Variants in TTC28 observed in about 807,000 individuals in gnomAD.
The protein encoded by TTC28 is tetratricopeptide repeat domain 28, also known as tetratricopeptide repeat protein 28.
Under a neutral mutation model 198.0 loss-of-function variants are expected in TTC28, and 61 were observed. The observed-to-expected ratio is 0.31, with a 90% confidence interval of 0.25 to 0.38. The LOEUF is 0.38. Among genes scored for constraint, TTC28 ranks in the 10% least tolerant of loss-of-function variants. The pLI is 1.00. For synonymous variants in TTC28, 1,171 were observed against 1,297.8 expected (o/e 0.90, Z 2.10); for missense variants, 2,678 against 3,164.0 (o/e 0.85, Z 3.69).
chr22:28,464,162 T>C (rs1464066062), intron 2 of TTC28, among the ~76,000 whole-genome samples: 2 of 152,132 alleles, frequency 1.3e-5, no homozygotes, highest in African/African-American at 2.4e-5. Context: ...TTGGAAGAGC[T>C]AGAGACCCAG....
intron 2 of TTC28, among the ~76,000 whole-genome samples, chr22:28,525,664 A>G (rs1369479304): frequency 2.0e-5 from 3 of 152,198 alleles, no homozygotes; most frequent in Non-Finnish European, 4.4e-5. Flanking sequence ...TAAAAATAGG[A>G]CATAAGTACT....
chr22:28,378,505 T>C (rs1379134192), intron 2 of TTC28, among the ~76,000 whole-genome samples: 1 of 151,562 alleles, frequency 6.6e-6, no homozygotes, highest in Non-Finnish European at 1.5e-5. Context: ...ACAAAACAAT[T>C]AGCCAGGCAT....
chr22:28,078,636 A>C (rs1294604534), intron 12 of TTC28, among the ~76,000 whole-genome samples: 1 of 152,170 alleles, frequency 6.6e-6, no homozygotes, highest in Non-Finnish European at 1.5e-5. Flanking sequence ...GAGCTCCAAA[A>C]GGTGATTAGA....
At chr22:28,614,048 T>G (rs530501932) in intron 2 of TTC28, among the ~76,000 whole-genome samples, 1 of 152,184 alleles carries the variant, frequency 6.6e-6, no homozygotes, top group Non-Finnish European at 1.5e-5. Context: ...GAAAACCCCA[T>G]CATCTTAGCC....
intron 5 of TTC28, among the ~76,000 whole-genome samples, chr22:28,285,046 C>G (rs553860690): frequency 1.3e-4 from 20 of 152,306 alleles, no homozygotes; most frequent in Non-Finnish European, 8.8e-5. Context: ...GAACTCTGTT[C>G]ACTGCAGCAT....
At position 28,196,131 on chromosome 22, in the gene TTC28, C is replaced by T. The variant is rs867113450; in HGVS notation, c.934-32532G>A. On this transcript the variant is annotated intron_variant, in intron 5 of 22. Transcript: ENST00000397906. Reference sequence around the variant, plus strand: ...AGAACAGAGCCCTCAGAAATAATGCCGCATATCTACAACCATCTGATCTTT... The same window carrying T: ...AGAACAGAGCCCTCAGAAATAATGCTGCATATCTACAACCATCTGATCTTT... Among the ~76,000 whole-genome samples, 340 of 151,920 alleles carry T rather than the reference C, an allele frequency of 2.2e-3. 2 individuals are homozygous for T. Among genetic ancestry groups the T allele is most frequent in the African/African-American group, 7.6e-3 (315 of 41,416 alleles).
intron 5 of TTC28, among the ~76,000 whole-genome samples, chr22:28,293,483 T>C (rs1371300515): frequency 6.6e-6 from 1 of 151,768 alleles, no homozygotes; most frequent in Admixed American, 6.6e-5. Context: ...GGGAGAGGAA[T>C]GGGGAGATGT....
intron 5 of TTC28, among the ~76,000 whole-genome samples, chr22:28,221,520 C>T (rs765074143): frequency 1.3e-5 from 2 of 152,158 alleles, no homozygotes; most frequent in Non-Finnish European, 2.9e-5. Context: ...TTGCTTAGGA[C>T]ACTGGGTAGA....
chr22:28,053,762 T>C (rs1292499895), intron 12 of TTC28, among the ~76,000 whole-genome samples: 3 of 152,096 alleles, frequency 2.0e-5, no homozygotes, highest in Non-Finnish European at 4.4e-5. Flanking sequence ...TTTCTTTTTT[T>C]TAATAATTAG....
intron 2 of TTC28, among the ~76,000 whole-genome samples, chr22:28,483,088 C>A (rs953275753): frequency 6.6e-6 from 1 of 152,122 alleles, no homozygotes; most frequent in African/African-American, 2.4e-5. Flanking sequence ...ATTGTAAGGT[C>A]ATATGGTAAT....
chr22:28,385,743 T>C (rs914682726), intron 2 of TTC28, among the ~76,000 whole-genome samples: 3 of 152,138 alleles, frequency 2.0e-5, no homozygotes, highest in Admixed American at 2.0e-4. Flanking sequence ...AGTCTGATAT[T>C]TAAAATACTA....
chr22:28,603,113 T>C (rs1474819124), intron 2 of TTC28, among the ~76,000 whole-genome samples: 2 of 152,122 alleles, frequency 1.3e-5, no homozygotes, highest in Admixed American at 1.3e-4. Flanking sequence ...TCTCTTGACC[T>C]CGTGACCCAC....
chr22:28,105,890 C>A, intron 7 of TTC28, 88 bp from the exon 8 acceptor site: 1 of 1,411,680 alleles, frequency 7.1e-7, no homozygotes, highest in South Asian at 1.5e-5. Flanking sequence ...AAGCATTTGT[C>A]ACTGTCACTT....
At chr22:28,311,590 C>T (rs371938467) in intron 2 of TTC28, among the ~76,000 whole-genome samples, 37 of 152,160 alleles carry the variant, frequency 2.4e-4, no homozygotes, top group East Asian at 1.7e-3. Flanking sequence ...AAGCATACAA[C>T]GCATAATAAT....
chr22:28,544,817 C>A (rs2145942673), intron 2 of TTC28, among the ~76,000 whole-genome samples: 1 of 152,296 alleles, frequency 6.6e-6, no homozygotes, highest in South Asian at 2.1e-4. Context: ...AATGCCATGG[C>A]AACATCTGGA....
At chr22:28,033,185 T>C (rs1167879547) in intron 12 of TTC28, among the ~76,000 whole-genome samples, 2 of 152,194 alleles carry the variant, frequency 1.3e-5, no homozygotes, top group Non-Finnish European at 2.9e-5. Flanking sequence ...GAGCCCTCAG[T>C]ATCTCCTGCT....
chr22:28,421,917 G>A (rs181312548), intron 2 of TTC28, among the ~76,000 whole-genome samples: 3 of 138,066 alleles, frequency 2.2e-5, no homozygotes, highest in Admixed American at 1.5e-4. Flanking sequence ...CCTGGTGACA[G>A]AGCAAGACTC....
intron 5 of TTC28, among the ~76,000 whole-genome samples, chr22:28,230,210 C>A (rs1928696664): frequency 6.6e-6 from 1 of 152,172 alleles, no homozygotes; most frequent in African/African-American, 2.4e-5. Context: ...GTCACATCAG[C>A]CCAAGTGGAA....
intron 6 of TTC28, among the ~76,000 whole-genome samples, chr22:28,158,191 G>T (rs764481992): frequency 6.6e-6 from 1 of 151,840 alleles, no homozygotes; most frequent in Non-Finnish European, 1.5e-5. Context: ...TAAATGCCTA[G>T]GAATTAACCA....
Sources: allele counts gnomAD v4.1 joint callset (sites outside exome capture counted in the v4.1 genomes callset), GRCh38; gene constraint gnomAD v4.1.1; transcripts MANE v1.5; gene names NCBI Gene and HGNC (gene_info 2026-07-23, HGNC 2026-07-21).